Variants in CES5A observed in about 807,000 individuals in gnomAD.
CES5A encodes the protein carboxylesterase 5A.
CES5A carries 67 observed loss-of-function variants against 62.9 expected under a neutral mutation model. The ratio of observed to expected loss-of-function variants is 1.07; its 90% CI spans 0.88 to 1.31. The LOEUF is 1.31. Among genes scored for constraint, CES5A ranks in the 50% most tolerant of loss-of-function variants. The pLI, the probability that CES5A is intolerant of heterozygous loss-of-function variation, is 0.00. For missense variants in CES5A, 748 were observed against 708.5 expected, an observed-to-expected ratio of 1.06 and a Z score of -0.63; for synonymous variants, 296 against 280.8, an observed-to-expected ratio of 1.05 and a Z score of -0.54.
intron 1 of CES5A, among the ~76,000 whole-genome samples, chr16:55,955,267 TGTTA>T (rs1276416768): frequency 6.6e-6 from 1 of 152,202 alleles, no homozygotes; most frequent in African/African-American, 2.4e-5. Context: ...CAAGTAGGGC[TGTTA>T]GTTTCCTGTT....
At chr16:55,853,387 G>T (rs756406527) in intron 9 of CES5A, among the ~76,000 whole-genome samples, 1 of 152,148 alleles carries the variant, frequency 6.6e-6, no homozygotes, top group African/African-American at 2.4e-5. Context: ...AACATAAACT[G>T]CTTGTTCAAA....
At chr16:55,859,403 A>G (rs2033307377) in intron 8 of CES5A, 144 bp downstream of exon 8, 1 of 696,442 alleles carries the variant, frequency 1.4e-6, no homozygotes, top group Non-Finnish European at 2.3e-6. Context: ...TCTTTCAGAG[A>G]GAGTAAAGGT....
At chr16:55,855,198 C>A (rs1192370608) in intron 9 of CES5A, among the ~76,000 whole-genome samples, 1 of 152,170 alleles carries the variant, frequency 6.6e-6, no homozygotes, top group African/African-American at 2.4e-5. Context: ...CCCCAGTGCC[C>A]AGGGAAGTGC....
chr16:55,853,161 A>G, intron 9 of CES5A, 133 bp from the exon 10 acceptor site: 1 of 853,680 alleles, frequency 1.2e-6, no homozygotes, highest in Admixed American at 2.4e-5. Flanking sequence ...CAACCCTATG[A>G]TGCAAGTATC....
At chr16:55,944,439 C>T in intron 2 of CES5A, 1 of 238,568 alleles carries the variant, frequency 4.2e-6, no homozygotes, top group African/African-American at 2.2e-5. Flanking sequence ...AACCTTTTTT[C>T]CCCATCCCTG....
chr16:55,848,786 T>C (rs951575666), intron 11 of CES5A, among the ~76,000 whole-genome samples: 1 of 152,232 alleles, frequency 6.6e-6, no homozygotes, highest in Admixed American at 6.5e-5. Context: ...TTACATAGTA[T>C]GGGCTCAGGA....
chr16:55,850,072 T>C (rs139462367), intron 10 of CES5A, among the ~76,000 whole-genome samples: 385 of 152,352 alleles, frequency 2.5e-3, no homozygotes, highest in South Asian at 0.023. Flanking sequence ...CTTTTACCCA[T>C]TATTGGAAAA....
At chr16:55,897,452 T>G (rs1248540984) in intron 1 of CES5A, among the ~76,000 whole-genome samples, 1 of 152,124 alleles carries the variant, frequency 6.6e-6, no homozygotes, top group Non-Finnish European at 1.5e-5. Flanking sequence ...AAGGTTTGCC[T>G]TGCTTTTCTT....
intron 1 of CES5A, among the ~76,000 whole-genome samples, chr16:55,910,496 C>T (rs2034082503): frequency 6.6e-6 from 1 of 152,170 alleles, no homozygotes; most frequent in Admixed American, 6.5e-5. Flanking sequence ...ACACCATTAA[C>T]CATTTGATTG....
At chr16:55,927,225 A>G (rs1452827831), upstream of CES5A, among the ~76,000 whole-genome samples, 1 of 152,196 alleles carries the variant, frequency 6.6e-6, no homozygotes, top group Non-Finnish European at 1.5e-5. Context: ...TATGACTAAG[A>G]CTCCAAAAGC....
Position 55,873,895 on chromosome 16 carries a change from A to G in CES5A, c.216T>C (p.Phe72=). ...FAAPPLGSLR[F]TNPQPASPWD... is the part of the protein sequence containing the mutation. ...AGGGCGATGCAGGCTGCGGGTTCGTAAATCGCAGGGATCCCAGCGGGGGAG... is the reference window on the plus strand; with the variant it reads ...AGGGCGATGCAGGCTGCGGGTTCGTGAATCGCAGGGATCCCAGCGGGGGAG... The change falls in exon 2 of 13, where the codon TTT becomes TTC. Residue 72 remains phenylalanine (F), a synonymous_variant. Coordinates refer to ENST00000290567, the MANE Select transcript of CES5A (RefSeq NM_001143685.2). 6.2e-7 allele frequency: 1 copy of G among 1,613,814 alleles called. No individual in the cohort carries two copies.
At chr16:55,947,481 G>C (rs970790166) in intron 2 of CES5A, among the ~76,000 whole-genome samples, 1 of 152,084 alleles carries the variant, frequency 6.6e-6, no homozygotes, top group Admixed American at 6.6e-5. Context: ...CTGGATGTTA[G>C]GAATAAAGTG....
At chr16:55,892,721 C>CAAA (rs1402900495) in intron 1 of CES5A, among the ~76,000 whole-genome samples, 2 of 87,130 alleles carry the variant, frequency 2.3e-5, no homozygotes, top group Admixed American at 1.1e-4. Context: ...ACAACAACAA[C>CAAA]AACAAAAAAA....
At chr16:55,895,523 T>A (rs1270463398) in intron 1 of CES5A, among the ~76,000 whole-genome samples, 1 of 152,252 alleles carries the variant, frequency 6.6e-6, no homozygotes, top group African/African-American at 2.4e-5. Flanking sequence ...TGTTACTACT[T>A]TATTTTCTCA....
chr16:55,866,677 AAT>A (rs1555481078), intron 4 of CES5A, among the ~76,000 whole-genome samples: 5,245 of 131,794 alleles, frequency 0.04, 354 homozygotes, highest in African/African-American at 0.15. Flanking sequence ...AAAAAAAAAA[AAT>A]ACAAAAAAAT....
intron 3 of CES5A, among the ~76,000 whole-genome samples, chr16:55,870,601 G>C (rs2033562157): frequency 6.6e-6 from 1 of 152,002 alleles, no homozygotes; most frequent in Non-Finnish European, 1.5e-5. Flanking sequence ...GGGAGGCTGA[G>C]GCACAGGAAT....
chr16:55,897,051 C>A (rs2033941481), intron 1 of CES5A, among the ~76,000 whole-genome samples: 1 of 152,030 alleles, frequency 6.6e-6, no homozygotes, highest in Admixed American at 6.6e-5. Flanking sequence ...CTCATTCCCC[C>A]ATCCCCGCAT....
intron 1 of CES5A, among the ~76,000 whole-genome samples, chr16:55,955,458 A>G (rs1431830855): frequency 9.2e-5 from 14 of 152,216 alleles, no homozygotes. Context: ...TTGGAGGCAT[A>G]TGCTTGACTT....
At chr16:55,891,528 C>T (rs1446539278) in intron 1 of CES5A, among the ~76,000 whole-genome samples, 4 of 152,262 alleles carry the variant, frequency 2.6e-5, no homozygotes, top group Non-Finnish European at 1.5e-5. Context: ...CAGAACAACT[C>T]GAAGCAAAGG....
Sources: allele counts gnomAD v4.1 joint callset (sites outside exome capture counted in the v4.1 genomes callset), GRCh38; gene constraint gnomAD v4.1.1; transcripts MANE v1.5; gene names NCBI Gene and HGNC (gene_info 2026-07-23, HGNC 2026-07-21).